AGGF1: variants seen among roughly 807,000 people sequenced by gnomAD.
AGGF1 encodes the protein angiogenic factor with G patch and FHA domains 1.
In AGGF1, 56 loss-of-function variants were observed where a neutral mutation model predicts 86.5. The ratio of observed to expected loss-of-function variants is 0.65; its 90% CI spans 0.52 to 0.81. The LOEUF (loss-of-function observed/expected upper bound fraction) is 0.81, where lower values mean the gene tolerates loss of function less well. Ranked by LOEUF, AGGF1 falls within the 30% of genes least tolerant of loss-of-function variation. The pLI, the probability that AGGF1 is intolerant of heterozygous loss-of-function variation, is 0.00. For synonymous variants in AGGF1, 313 were observed against 297.1 expected, an observed-to-expected ratio of 1.05 and a Z score of -0.55; for missense variants, 816 against 850.9, an observed-to-expected ratio of 0.96 and a Z score of 0.51.
At chr5:77,034,308 G>C in intron 1 of AGGF1, 110 bp from the exon 2 acceptor site, 1 of 728,024 alleles carries the variant, frequency 1.4e-6, no homozygotes, top group East Asian at 2.7e-5. Context: ...AGGGAAACTT[G>C]CTGCTCTTGA....
At chr5:77,032,563 CAAAAAAAAA>C (rs4025997) in intron 1 of AGGF1, among the ~76,000 whole-genome samples, 6 of 94,196 alleles carry the variant, frequency 6.4e-5, no homozygotes, top group South Asian at 4.1e-4. Context: ...GACTCCGTCT[CAAAAAAAAA>C]AAAAAAAAAA....
In AGGF1 at chr5:77,034,540, G is replaced by A. The variant is rs1352911847; in HGVS notation, c.313+20G>A. ...TCTCAGGTATTTAGCTTATAGTGAG[G>A]ATATGCTAACACTGTTACATTCAAA... On this transcript the variant is annotated intron_variant, in intron 2 of 13. Coordinates refer to ENST00000312916, the MANE Select transcript of AGGF1 (RefSeq NM_018046.5). 2 of 1,456,376 alleles carry A rather than the reference G, an allele frequency of 1.4e-6. No individual in the cohort carries two copies. Among genetic ancestry groups the A allele is most frequent in the Admixed American group, 1.7e-5 (1 of 59,812 alleles). 90.2% of individuals were successfully genotyped at this position (1,456,376 alleles called of 1,614,324 possible). A position where few individuals can be genotyped will look rare whatever the true frequency, so the allele number is the denominator to read the frequency against.
At chr5:77,062,411 A>G (rs1214513777) in intron 13 of AGGF1, among the ~76,000 whole-genome samples, 1 of 152,182 alleles carries the variant, frequency 6.6e-6, no homozygotes, top group African/African-American at 2.4e-5. Context: ...TGGAAAGAAC[A>G]AGGATTTTGT....
Position 77,063,894 on chromosome 5 carries a change from G to A in AGGF1, c.*642G>A, listed in dbSNP as rs1053449422. 1 of 153,084 alleles carries A rather than the reference G, an allele frequency of 6.5e-6. No individual in the cohort carries two copies. The highest frequency in any genetic ancestry group is 1.5e-5 in the Non-Finnish European group (1 of 68,464). 9.5% of individuals were successfully genotyped at this position (153,084 alleles called of 1,614,324 possible). A position where few individuals can be genotyped will look rare whatever the true frequency, so the allele number is the denominator to read the frequency against. On this transcript the variant is annotated 3_prime_UTR_variant, in exon 14 of 14. Coordinates refer to ENST00000312916, the MANE Select transcript of AGGF1 (RefSeq NM_018046.5). ...ATATTTGGTTTGTTTCATAGCTAATGAGGTATTTAGATATGAACAACTGAA... is the reference window on the plus strand; with the variant it reads ...ATATTTGGTTTGTTTCATAGCTAATAAGGTATTTAGATATGAACAACTGAA...
intron 1 of AGGF1, 44 bp from the exon 2 acceptor site, chr5:77,034,374 A>G (rs1746925121): frequency 8.4e-7 from 1 of 1,193,040 alleles, no homozygotes; most frequent in Admixed American, 1.7e-5. Flanking sequence ...ATATTATTAG[A>G]TTGTTACATG....
At chr5:77,042,226 G>A (rs1440595686) in intron 5 of AGGF1, among the ~76,000 whole-genome samples, 1 of 151,230 alleles carries the variant, frequency 6.6e-6, no homozygotes, top group African/African-American at 2.4e-5. Context: ...ACACAGACAC[G>A]GCAACCATCC....
chr5:77,038,725 C>A (rs536361808), intron 4 of AGGF1, among the ~76,000 whole-genome samples: 2 of 152,232 alleles, frequency 1.3e-5, no homozygotes, highest in East Asian at 3.9e-4. Context: ...TGCTCAATCT[C>A]AGTACATTAA....
intron 1 of AGGF1, among the ~76,000 whole-genome samples, chr5:77,031,765 G>C (rs907392551): frequency 6.6e-6 from 1 of 152,098 alleles, no homozygotes; most frequent in Non-Finnish European, 1.5e-5. Context: ...TTAGCCGGGC[G>C]TGGCGGCGGG....
intron 13 of AGGF1, 136 bp downstream of exon 13, chr5:77,061,938 A>C: frequency 1.3e-6 from 1 of 776,782 alleles, no homozygotes. Context: ...CCTTTGTGGC[A>C]TTCACAATTA....
Position 77,036,680 on chromosome 5 carries a change from G to T in AGGF1, c.641G>T (p.Gly214Val), listed in dbSNP as rs772216707. 9 of 1,612,938 alleles carry T rather than the reference G, an allele frequency of 5.6e-6. No individual in the cohort carries two copies. Among genetic ancestry groups the T allele is most frequent in the Non-Finnish European group, 7.6e-6 (9 of 1,179,920 alleles). Residue 214 changes from glycine (G) to valine (V), a missense_variant, in exon 4 of 14, where the codon GGA (glycine) becomes GTA (valine). Physicochemically the swap from Gly to Val is moderately radical, Grantham distance 109 (BLOSUM62 -3). Transcript: ENST00000312916. Reference sequence around the variant, plus strand: ...GGATTTAGTTATGATGAAAATACTGGACTGTATTTTGACCACAGCACTGGT... The same window carrying T: ...GGATTTAGTTATGATGAAAATACTGTACTGTATTTTGACCACAGCACTGGT... ...QTGFSYDENTGLYFDHSTGFY... is the reference protein window; with the variant it reads ...QTGFSYDENTVLYFDHSTGFY...
At chr5:77,048,349 G>C in intron 7 of AGGF1, 77 bp downstream of exon 7, 1 of 1,262,586 alleles carries the variant, frequency 7.9e-7, no homozygotes, top group Non-Finnish European at 1.1e-6. Flanking sequence ...ATTTTTGTTT[G>C]TTTGTTTGTT....
At chr5:77,056,147 C>T (rs1242392182) in intron 11 of AGGF1, among the ~76,000 whole-genome samples, 7 of 151,416 alleles carry the variant, frequency 4.6e-5, no homozygotes, top group Non-Finnish European at 8.8e-5. Flanking sequence ...AATAATAGTC[C>T]AGAAGTAGAT....
chr5:77,052,627 A>AGATGTTAT (rs1561289849), intron 8 of AGGF1, 79 bp from the exon 9 acceptor site: 3 of 972,544 alleles, frequency 3.1e-6, no homozygotes, highest in Non-Finnish European at 4.7e-6. Context: ...GCTCAAGTTA[A>AGATGTTAT]CATCATCATA....
chr5:77,049,053 A>G (rs1389342495), intron 8 of AGGF1, 66 bp downstream of exon 8: 2 of 1,500,482 alleles, frequency 1.3e-6, no homozygotes, highest in East Asian at 2.3e-5. Context: ...ATTACAGTAG[A>G]AAGCTTAGGG....
chr5:77,048,321 G>C (rs750849684), intron 7 of AGGF1, 49 bp downstream of exon 7: 5 of 1,374,812 alleles, frequency 3.6e-6, no homozygotes, highest in Non-Finnish European at 5.2e-6. Flanking sequence ...TTTCAGAAAG[G>C]CTTTATTAAG....
chr5:77,036,251 G>C (rs1212411130), intron 3 of AGGF1, among the ~76,000 whole-genome samples: 1 of 151,998 alleles, frequency 6.6e-6, no homozygotes, highest in East Asian at 1.9e-4. Context: ...GAAGAACCTA[G>C]ATCTTTGTCT....
At chr5:77,034,275 A>G (rs984873724) in intron 1 of AGGF1, 143 bp from the exon 2 acceptor site, 4 of 648,468 alleles carry the variant, frequency 6.2e-6, no homozygotes, top group Non-Finnish European at 1.1e-5. Flanking sequence ...ATAAAGTAAA[A>G]TAATAATTTT....
rs760346754 is a variant in AGGF1, at chr5:77,048,235, T to C, written c.1276T>C (p.Phe426Leu). The C allele has an allele frequency of 7.4e-6, 12 of 1,613,452 alleles. No homozygotes were observed. The highest frequency in any genetic ancestry group is 9.3e-6 in the Non-Finnish European group (11 of 1,179,438). Residue 426 changes from phenylalanine to leucine, a missense_variant, in exon 7 of 14, where the codon TTT becomes CTT. Phe to Leu is a conservative substitution (Grantham distance 22). This residue lies in a region of AGGF1 where 565 missense variants were observed against 585.8 expected (regional missense o/e 0.96). Coordinates refer to ENST00000312916, the MANE Select transcript of AGGF1 (RefSeq NM_018046.5). ...RSPVLQIGSL[F>L]IITAVNPATI... Reference sequence around the variant, plus strand: ...ACCTGTGTTGCAGATAGGATCACTCTTTATCATTACTGCTGTAAACCCTGC... The same window carrying C: ...ACCTGTGTTGCAGATAGGATCACTCCTTATCATTACTGCTGTAAACCCTGC...
At chr5:77,038,463 A>AC (rs1747004197) in intron 4 of AGGF1, among the ~76,000 whole-genome samples, 1 of 151,990 alleles carries the variant, frequency 6.6e-6, no homozygotes, top group Admixed American at 6.6e-5. Context: ...ATTTTAATAA[A>AC]TTTTTTTTAT....
Sources: allele counts gnomAD v4.1 joint callset (sites outside exome capture counted in the v4.1 genomes callset), GRCh38; gene constraint gnomAD v4.1.1; regional missense constraint gnomAD v4.1.1; transcripts MANE v1.5; gene names NCBI Gene and HGNC (gene_info 2026-07-23, HGNC 2026-07-21).